Variants in SFMBT2 observed in about 807,000 individuals in gnomAD.
SFMBT2 encodes the protein scm-like with four MBT domains protein 2.
SFMBT2 carries 38 observed loss-of-function variants against 110.1 expected under a neutral mutation model. The ratio of observed to expected loss-of-function variants is 0.35; its 90% CI spans 0.27 to 0.45. The LOEUF is 0.45. Among genes scored for constraint, SFMBT2 ranks in the 20% least tolerant of loss-of-function variants. The pLI is 1.00. For synonymous variants in SFMBT2, 425 were observed against 425.4 expected (o/e 1.00, Z 0.01); for missense variants, 1,011 against 1,094.9 (o/e 0.92, Z 1.08).
intron 16 of SFMBT2, among the ~76,000 whole-genome samples, chr10:7,178,874 T>C (rs1365465990): frequency 6.6e-6 from 1 of 152,176 alleles, no homozygotes; most frequent in African/African-American, 2.4e-5. Context: ...TTTAACCCTA[T>C]CATGGGGACA....
At chr10:7,274,650 T>A (rs958311040) in intron 7 of SFMBT2, among the ~76,000 whole-genome samples, 3 of 152,182 alleles carry the variant, frequency 2.0e-5, no homozygotes, top group Non-Finnish European at 4.4e-5. Context: ...CTTTCCTTTA[T>A]AAATCACCCA....
chr10:7,320,751 T>G, intron 4 of SFMBT2: 2 of 263,174 alleles, frequency 7.6e-6, no homozygotes, highest in Non-Finnish European at 1.2e-5. Flanking sequence ...CCCAGGGTCT[T>G]TCAGACCCTC....
At chr10:7,202,776 A>G in intron 12 of SFMBT2, 2 of 985,366 alleles carry the variant, frequency 2.0e-6, no homozygotes, top group Non-Finnish European at 2.4e-6. Flanking sequence ...TTATTTTTAA[A>G]TGTGCATTTA....
intron 4 of SFMBT2, among the ~76,000 whole-genome samples, chr10:7,353,268 T>C (rs1327922447): frequency 3.3e-5 from 5 of 152,148 alleles, no homozygotes; most frequent in Admixed American, 1.3e-4. Context: ...ATGTCAACAG[T>C]AATGTGGTGA....
chr10:7,163,529 CGTCTGGCAGG>C lies in SFMBT2; in HGVS notation c.*231_*240del. 2.3e-6 allele frequency: 1 copy of C among 437,602 alleles called. No individual in the cohort carries two copies. 27.1% of individuals were successfully genotyped at this position (437,602 alleles called of 1,614,324 possible). Reference sequence around the variant, plus strand: ...GTGGGTGAGCCAAGAAGCAGGCCCACGTCTGGCAGGGTCTGATGCATGACTTTAACTGGCA... The same window carrying C: ...GTGGGTGAGCCAAGAAGCAGGCCCACGTCTGATGCATGACTTTAACTGGCA... On this transcript the variant is annotated 3_prime_UTR_variant, in exon 21 of 21. Transcript: ENST00000397167. This position sits in a 1 kb window ranked among gnomAD's most constrained non-coding sequence, Gnocchi z 4.8.
chr10:7,303,910 T>C (rs1349337837), intron 4 of SFMBT2, among the ~76,000 whole-genome samples: 2 of 152,156 alleles, frequency 1.3e-5, no homozygotes, highest in Non-Finnish European at 2.9e-5. Flanking sequence ...AGATCAAAGA[T>C]TATTTCATTG....
chr10:7,172,013 C>G lies in SFMBT2; in HGVS notation c.2297G>C (p.Gly766Ala). 6.4e-7 allele frequency: 1 copy of G among 1,574,104 alleles called. No homozygotes were observed. The highest frequency in any genetic ancestry group is 8.6e-7 in the Non-Finnish European group (1 of 1,162,556). The change falls in exon 19 of 21, where the codon GGC (glycine) becomes GCC (alanine). Residue 766 changes from glycine to alanine, a missense_variant. This residue lies in a region of SFMBT2 where 979 missense variants were observed against 1,016.1 expected (regional missense o/e 0.96). Coordinates refer to ENST00000397167, the MANE Select transcript of SFMBT2 (RefSeq NM_001387889.1). This position sits in a 1 kb window ranked among gnomAD's most constrained non-coding sequence, Gnocchi z 4.6. ...RPRRAVTLRS[G>A]SEPVRRPPPE... ...GGGTGGCCGGCGCACGGGCTCTGAG[C>G]CGCTCCGCAGGGTGACGGCCCTCCG...
At chr10:7,338,338 A>G (rs1037719216) in intron 4 of SFMBT2, among the ~76,000 whole-genome samples, 1 of 152,152 alleles carries the variant, frequency 6.6e-6, no homozygotes. Context: ...GAATCCCCCA[A>G]AAGTCAAATA....
intron 15 of SFMBT2, among the ~76,000 whole-genome samples, chr10:7,195,864 G>A (rs910686821): frequency 6.6e-6 from 1 of 152,198 alleles, no homozygotes; most frequent in Non-Finnish European, 1.5e-5. Context: ...ATGTGGGCCA[G>A]GGACCACCTG....
At chr10:7,348,207 G>C in intron 4 of SFMBT2, 1 of 1,209,128 alleles carries the variant, frequency 8.3e-7, no homozygotes, top group East Asian at 2.8e-5. Context: ...TATGTTTGAG[G>C]GTGGTGGGAG....
At chr10:7,286,684 G>A (rs1842100944) in intron 4 of SFMBT2, among the ~76,000 whole-genome samples, 1 of 152,112 alleles carries the variant, frequency 6.6e-6, no homozygotes, top group African/African-American at 2.4e-5. Flanking sequence ...ATGTACATAG[G>A]TTATGTGTGA....
chr10:7,313,208 C>T (rs1407672059), intron 4 of SFMBT2, among the ~76,000 whole-genome samples: 3 of 149,584 alleles, frequency 2.0e-5, no homozygotes, highest in African/African-American at 7.3e-5. Flanking sequence ...TAACATATAA[C>T]ATTATTTATA....
chr10:7,367,865 A>G lies in SFMBT2; in HGVS notation c.220T>C (p.Phe74Leu). The G allele has an allele frequency of 6.2e-7, 1 of 1,614,212 alleles. No homozygotes were observed. Among genetic ancestry groups the G allele is most frequent in the South Asian group, 1.1e-5 (1 of 91,080 alleles). Residue 74 changes from phenylalanine to leucine, a missense_variant, in exon 4 of 21, where the codon TTC becomes CTC. By Grantham distance (22) the Phe-to-Leu change is conservative. This residue lies in a region of SFMBT2 where 979 missense variants were observed against 1,016.1 expected (regional missense o/e 0.96). Coordinates refer to ENST00000397167, the MANE Select transcript of SFMBT2 (RefSeq NM_001387889.1). The surrounding 1 kb of genome is among the most constrained non-coding windows in gnomAD (Gnocchi z 6.2). ...ACTTCCAATTTCATTCCTGGCTGGA[A>G]GTTGCTCTGAATGCTGATTTCAACC... ...KHVEISIQSN[F>L]QPGMKLEVAN... is the part of the protein sequence containing the mutation.
intron 16 of SFMBT2, among the ~76,000 whole-genome samples, chr10:7,182,705 T>C (rs1189549324): frequency 5.3e-5 from 4 of 75,742 alleles, no homozygotes; most frequent in East Asian, 4.8e-4. Flanking sequence ...CATCACACAC[T>C]GGGGCCTGTT....
intron 4 of SFMBT2, among the ~76,000 whole-genome samples, chr10:7,287,769 A>T (rs1435220184): frequency 6.6e-6 from 1 of 152,226 alleles, no homozygotes; most frequent in East Asian, 1.9e-4. Context: ...AAGCAGTGGA[A>T]TTACTACAAA....
intron 4 of SFMBT2, among the ~76,000 whole-genome samples, chr10:7,295,843 T>C (rs1486353744): frequency 6.6e-6 from 1 of 152,202 alleles, no homozygotes; most frequent in Non-Finnish European, 1.5e-5. Flanking sequence ...ACCAATACTG[T>C]TCATTTCAGA....
chr10:7,284,259 G>T (rs1186097263), intron 5 of SFMBT2, 109 bp from the exon 6 acceptor site: 4 of 1,517,298 alleles, frequency 2.6e-6, no homozygotes, highest in Non-Finnish European at 3.5e-6. Flanking sequence ...CCAAGGTACT[G>T]GCGAACAGTC....
chr10:7,353,941 G>T (rs1388731187), intron 4 of SFMBT2, among the ~76,000 whole-genome samples: 1 of 151,870 alleles, frequency 6.6e-6, no homozygotes, highest in African/African-American at 2.4e-5. Flanking sequence ...CAAAAAATTA[G>T]CTGGGTGTGG....
intron 12 of SFMBT2, 162 bp from the exon 13 acceptor site, chr10:7,202,684 A>G (rs1021027018): frequency 1.8e-5 from 18 of 985,228 alleles, no homozygotes; most frequent in Admixed American, 1.2e-4. Flanking sequence ...AGTTTCTTCT[A>G]GCATAGGATA....
Sources: allele counts gnomAD v4.1 joint callset (sites outside exome capture counted in the v4.1 genomes callset), GRCh38; gene constraint gnomAD v4.1.1; regional missense constraint gnomAD v4.1.1; non-coding constraint Gnocchi (gnomAD v3.1); transcripts MANE v1.5; gene names NCBI Gene and HGNC (gene_info 2026-07-23, HGNC 2026-07-21).